Variants in NALF1 observed in about 807,000 individuals in gnomAD.
NALF1 encodes the protein family with sequence similarity 155 member A.
Under a neutral mutation model 48.4 loss-of-function variants are expected in NALF1, and 3 were observed. The observed-to-expected ratio is 0.06, with a 90% CI of 0.03 to 0.16. NALF1 has a LOEUF of 0.16. NALF1 is among the 10% of genes least tolerant of loss of function. NALF1 has a pLI of 1.00. For synonymous variants in NALF1, 262 were observed against 245.7 expected (o/e 1.07, Z -0.62); for missense variants, 526 against 571.5 (o/e 0.92, Z 0.81).
chr13:107,267,457 G>C (rs968197089), intron 1 of NALF1, among the ~76,000 whole-genome samples: 3 of 152,158 alleles, frequency 2.0e-5, no homozygotes, highest in African/African-American at 7.2e-5. Flanking sequence ...TTTATAGCGA[G>C]AGCGCTGTGT....
At chr13:107,681,617 G>A (rs1231307091) in intron 1 of NALF1, among the ~76,000 whole-genome samples, 2 of 152,164 alleles carry the variant, frequency 1.3e-5, no homozygotes, top group Non-Finnish European at 2.9e-5. Context: ...TTAGTCAGAT[G>A]AAATGACCGG....
chr13:107,602,308 C>T (rs953905368), intron 1 of NALF1, among the ~76,000 whole-genome samples: 9 of 152,032 alleles, frequency 5.9e-5, no homozygotes, highest in East Asian at 1.9e-4. Flanking sequence ...GGTTAGAAAG[C>T]GGCTGAGAAT....
chr13:107,414,561 T>A (rs149193346), intron 1 of NALF1, among the ~76,000 whole-genome samples: 2 of 151,450 alleles, frequency 1.3e-5, no homozygotes, highest in African/African-American at 2.4e-5. Flanking sequence ...AGCCTCATCA[T>A]TGCTCACTCT....
At position 107,518,799 on chromosome 13, in the gene NALF1, A is replaced by C. The variant is rs749231671; in HGVS notation, c.916-308044T>G. Reference sequence around the variant, plus strand: ...GATTTTCAGACAGAACATTCTAAACAAATTTGAGAACATCATGGTCATATA... The same window carrying C: ...GATTTTCAGACAGAACATTCTAAACCAATTTGAGAACATCATGGTCATATA... On this transcript the variant is annotated intron_variant, in intron 1 of 2. Coordinates refer to ENST00000375915, the MANE Select transcript of NALF1 (RefSeq NM_001080396.3). Among the ~76,000 whole-genome samples the C allele has an allele frequency of 1.6e-4, 24 of 152,190 alleles. 1 individual carries two copies. Among genetic ancestry groups the C allele is most frequent in the Non-Finnish European group, 5.9e-5 (4 of 68,024 alleles).
At chr13:107,616,971 CATA>C (rs929180506) in intron 1 of NALF1, among the ~76,000 whole-genome samples, 1 of 152,034 alleles carries the variant, frequency 6.6e-6, no homozygotes, top group Non-Finnish European at 1.5e-5. Flanking sequence ...TAATATGAAA[CATA>C]ATGTCTACAA....
chr13:107,245,360 T>A (rs554937914), intron 1 of NALF1, among the ~76,000 whole-genome samples: 8 of 152,348 alleles, frequency 5.3e-5, no homozygotes, highest in Admixed American at 2.6e-4. Context: ...AGTGTTTTTT[T>A]AAATTATGTT....
chr13:107,298,951 A>C (rs1320563128), intron 1 of NALF1, among the ~76,000 whole-genome samples: 1 of 151,858 alleles, frequency 6.6e-6, no homozygotes, highest in Non-Finnish European at 1.5e-5. Flanking sequence ...TTTTCCCCTA[A>C]TGTTCTTTTT....
chr13:107,470,536 T>G (rs1193441597), intron 1 of NALF1, among the ~76,000 whole-genome samples: 1 of 152,204 alleles, frequency 6.6e-6, no homozygotes, highest in Non-Finnish European at 1.5e-5. Flanking sequence ...GGTCAACGTT[T>G]CACTTCTAGA....
intron 1 of NALF1, among the ~76,000 whole-genome samples, chr13:107,691,069 G>T (rs1307798292): frequency 6.6e-6 from 1 of 152,196 alleles, no homozygotes; most frequent in Non-Finnish European, 1.5e-5. Flanking sequence ...GAACAGGGTG[G>T]TCTTCTAATC....
chr13:107,691,252 T>C (rs958041176), intron 1 of NALF1, among the ~76,000 whole-genome samples: 5 of 152,120 alleles, frequency 3.3e-5, no homozygotes, highest in African/African-American at 1.2e-4. Flanking sequence ...GCACAGATTC[T>C]CCTCACCGCC....
rs1471644204 is a variant in NALF1, at chr13:107,778,601, TTTTGTTTGTTTGTTTTTGTA to T, written c.915+87061_915+87080del. 4.7e-3 allele frequency among the ~76,000 whole-genome samples: 705 copies of T among 151,520 alleles called. 4 individuals are homozygous for T. Among genetic ancestry groups the T allele is most frequent in the African/African-American group, 0.016 (682 of 41,492 alleles). On this transcript the variant is annotated intron_variant, in intron 1 of 2. Coordinates refer to ENST00000375915, the MANE Select transcript of NALF1 (RefSeq NM_001080396.3). ...AACAGGAGTTGTTTTTTTTCTGTTT[TTTTGTTTGTTTGTTTTTGTA>T]TTTGTTTGTTTGAGTAAACTGCCTA...
At chr13:107,339,964 T>A (rs1882637001) in intron 1 of NALF1, among the ~76,000 whole-genome samples, 1 of 152,118 alleles carries the variant, frequency 6.6e-6, no homozygotes, top group Admixed American at 6.6e-5. Context: ...TCCTTTTCAA[T>A]TCTCTCATTA....
chr13:107,416,931 A>G (rs545503615), intron 1 of NALF1, among the ~76,000 whole-genome samples: 11 of 152,320 alleles, frequency 7.2e-5, no homozygotes, highest in African/African-American at 2.2e-4. Context: ...CACCCTGTCT[A>G]TAAAGACCCG....
At chr13:107,710,599 G>A (rs766080261) in intron 1 of NALF1, among the ~76,000 whole-genome samples, 9 of 150,964 alleles carry the variant, frequency 6.0e-5, no homozygotes, top group Non-Finnish European at 1.2e-4. Flanking sequence ...AGAGTGAGAG[G>A]AAGTGCTACA....
intron 1 of NALF1, among the ~76,000 whole-genome samples, chr13:107,239,793 C>T (rs149499265): frequency 2.0e-5 from 3 of 152,244 alleles, no homozygotes; most frequent in South Asian, 2.1e-4. Flanking sequence ...ACCACCAACA[C>T]ACCCCAAAAT....
intron 1 of NALF1, among the ~76,000 whole-genome samples, chr13:107,744,157 G>A (rs1315408977): frequency 6.6e-6 from 1 of 152,198 alleles, no homozygotes; most frequent in East Asian, 1.9e-4. Context: ...CAGACAGAGA[G>A]ACCTTTGAGT....
chr13:107,576,203 C>G, intron 1 of NALF1, among the ~76,000 whole-genome samples: 1 of 152,132 alleles, frequency 6.6e-6, no homozygotes, highest in East Asian at 1.9e-4. Flanking sequence ...AAGAAAATTT[C>G]TCTGACAGGT....
intron 1 of NALF1, among the ~76,000 whole-genome samples, chr13:107,659,653 T>C (rs1411259830): frequency 6.6e-6 from 1 of 151,662 alleles, no homozygotes; most frequent in Non-Finnish European, 1.5e-5. Context: ...GCTTTCTAAA[T>C]ATATAAAATA....
chr13:107,655,939 G>A (rs541450620), intron 1 of NALF1, among the ~76,000 whole-genome samples: 5 of 152,124 alleles, frequency 3.3e-5, no homozygotes, highest in East Asian at 1.9e-4. Flanking sequence ...AATGGTCCTC[G>A]GATAATTGGC....
Sources: gnomAD v4.1 joint callset for allele counts (sites outside exome capture counted in the v4.1 genomes callset) on GRCh38, gnomAD v4.1.1 for gene constraint, MANE v1.5 for transcripts, NCBI Gene and HGNC (gene_info 2026-07-23, HGNC 2026-07-21) for gene names.